The following USP15 variants were observed in gnomAD, a reference collection of about 807,000 sequenced individuals.
USP15 encodes the protein ubiquitin specific peptidase 15, also known as ubiquitin carboxyl-terminal hydrolase 15.
Under a neutral mutation model 127.1 loss-of-function variants are expected in USP15, and 18 were observed. The observed-to-expected ratio is 0.14, with a 90% confidence interval of 0.10 to 0.21. USP15 has a LOEUF of 0.21. USP15 is among the 10% of genes least tolerant of loss of function. The pLI, the probability that USP15 is intolerant of heterozygous loss-of-function variation, is 1.00. For synonymous variants in USP15, 364 were observed against 393.7 expected, an observed-to-expected ratio of 0.92 and a Z score of 0.89; for missense variants, 805 against 1,159.9, an observed-to-expected ratio of 0.69 and a Z score of 4.44.
At chr12:62,335,181 G>A in intron 6 of USP15, 2 of 1,535,700 alleles carry the variant, frequency 1.3e-6, no homozygotes, top group Non-Finnish European at 1.7e-6. Context: ...CACTAGAGCA[G>A]AGTTGCTAGT....
chr12:62,369,058 A>C (rs1234289814), intron 8 of USP15, among the ~76,000 whole-genome samples: 1 of 152,198 alleles, frequency 6.6e-6, no homozygotes, highest in Non-Finnish European at 1.5e-5. Context: ...CCAGTTTTAA[A>C]AGACAGTACT....
chr12:62,403,609 C>A (rs2067765760), intron 21 of USP15, among the ~76,000 whole-genome samples: 1 of 151,874 alleles, frequency 6.6e-6, no homozygotes, highest in African/African-American at 2.4e-5. Flanking sequence ...CTGTTTATCA[C>A]CCTGACTATG....
chr12:62,338,050 C>T (rs763916245), intron 6 of USP15, among the ~76,000 whole-genome samples: 3 of 152,144 alleles, frequency 2.0e-5, no homozygotes, highest in Admixed American at 6.5e-5. Context: ...CTTGAGGAAT[C>T]GCCACACTGT....
intron 11 of USP15, among the ~76,000 whole-genome samples, chr12:62,385,445 C>G (rs2067118050): frequency 6.6e-6 from 1 of 151,978 alleles, no homozygotes; most frequent in Non-Finnish European, 1.5e-5. Context: ...CATAAACACA[C>G]AGTCCTTTTA....
intron 16 of USP15, 77 bp from the exon 17 acceptor site, chr12:62,391,739 G>A: frequency 3.2e-6 from 4 of 1,263,990 alleles, no homozygotes; most frequent in Non-Finnish European, 3.3e-6. Context: ...TTATTCTGGT[G>A]TATATCCTAA....
chr12:62,295,796 T>C (rs772108838), intron 2 of USP15, among the ~76,000 whole-genome samples: 1 of 152,272 alleles, frequency 6.6e-6, no homozygotes. Flanking sequence ...GATTAAGATA[T>C]GGAACAAGAT....
chr12:62,365,875 T>G (rs1469108291), intron 8 of USP15, among the ~76,000 whole-genome samples: 2 of 152,202 alleles, frequency 1.3e-5, no homozygotes, highest in Admixed American at 6.5e-5. Context: ...ATGTGTGGTG[T>G]TATTTCTGAT....
intron 7 of USP15, 50 bp from the exon 8 acceptor site, chr12:62,355,281 A>G: frequency 1.4e-6 from 2 of 1,470,358 alleles, no homozygotes; most frequent in Non-Finnish European, 1.8e-6. Flanking sequence ...CTTTATTATA[A>G]ATATGTTGTA....
intron 13 of USP15, 32 bp downstream of exon 13, chr12:62,389,731 C>G: frequency 6.3e-7 from 1 of 1,596,716 alleles, no homozygotes; most frequent in South Asian, 1.1e-5. Context: ...CAAAATATTA[C>G]TTGAAAAAAA....
Position 62,304,770 on chromosome 12 carries a change from A to T in USP15, c.348+1850A>T, listed in dbSNP as rs1250666987. 3 of 444,934 alleles carry T rather than the reference A, an allele frequency of 6.7e-6. No homozygotes were observed. The Admixed American group carries it at 7.3e-5, about 11-fold the overall frequency. The allele number at this position is 444,934 out of a possible 1,614,324, so 27.6% of individuals were successfully genotyped here. On this transcript the variant is annotated intron_variant, in intron 3 of 21. Transcript: ENST00000280377. ...GAGAAACAGCAGACAATAGAAACAG[A>T]CCCATAAGAAACCCAGGTAATTGAG... is the stretch of plus-strand genomic sequence containing the variant.
At chr12:62,294,632 C>G (rs11174416) in intron 2 of USP15, 54,725 of 165,190 alleles carry the variant, frequency 0.33, 9,740 homozygotes, top group African/African-American at 0.47. Context: ...TAATAAGACT[C>G]ATTATTTGTT....
rs1306717935 is a variant in USP15 at position 62,314,903 on chromosome 12, A to T, written c.462A>T (p.Lys154Asn). ...MNNVVTRRFS[K>N]ADTIDTIEKE... ...ATGTTGTAACTCGAAGATTTAGCAA[A>T]GCTGACACAATAGGTAATGCAAGAT... The change falls in exon 4 of 22, where the codon AAA becomes AAT. Residue 154 changes from lysine to asparagine, a missense_variant. Transcript: ENST00000280377. The T allele has an allele frequency of 6.3e-7, 1 of 1,582,170 alleles. No individual in the cohort carries two copies. Among genetic ancestry groups the T allele is most frequent in the Non-Finnish European group, 8.6e-7 (1 of 1,164,582 alleles).
intron 1 of USP15, among the ~76,000 whole-genome samples, chr12:62,281,487 C>G (rs936735535): frequency 2.0e-5 from 3 of 152,126 alleles, no homozygotes; most frequent in Non-Finnish European, 4.4e-5. Flanking sequence ...CAAAAGTATG[C>G]GCCACCACAC....
chr12:62,336,246 C>A (rs2065460125), intron 6 of USP15: 1 of 985,380 alleles, frequency 1.0e-6, no homozygotes, highest in Non-Finnish European at 1.2e-6. Context: ...TAGACTAGAC[C>A]ACTTTTCTGA....
Position 62,412,409 on chromosome 12 carries a change from A to G in USP15, c.*8034A>G, listed in dbSNP as rs752744313. ...TTCATCAATTGACTCTTCCTTTTAC[A>G]AGAGATTTCTCTGGCATGCAGTGCT... On this transcript the variant is annotated 3_prime_UTR_variant, in exon 22 of 22. Transcript: ENST00000280377. The G allele has an allele frequency of 1.3e-5, 2 of 152,250 alleles. No homozygotes were observed. The highest frequency in any genetic ancestry group is 2.9e-5 in the Non-Finnish European group (2 of 68,074). The allele number at this position is 152,250 out of a possible 1,614,324, so 9.4% of individuals were successfully genotyped here.
At chr12:62,364,298 A>G (rs2066411702) in intron 8 of USP15, among the ~76,000 whole-genome samples, 1 of 152,204 alleles carries the variant, frequency 6.6e-6, no homozygotes, top group African/African-American at 2.4e-5. Context: ...TTAGCTAAGA[A>G]TGAAAGGGTA....
At chr12:62,357,035 T>A (rs974007825) in intron 8 of USP15, among the ~76,000 whole-genome samples, 2 of 152,074 alleles carry the variant, frequency 1.3e-5, no homozygotes, top group African/African-American at 2.4e-5. Flanking sequence ...TCCAGATGCT[T>A]GATATCAGCT....
In USP15 at chr12:62,349,296, G is replaced by T; in HGVS notation, c.759G>T (p.Met253Ile). ...CTCTATCAAATAATTATAACAACAT[G>T]AACAACAGAAAGTAAGCACTGAATC... is the stretch of plus-strand genomic sequence containing the variant. ...PSSLSNNYNN[M>I]NNRNVKNSNY... is the part of the protein sequence containing the mutation. Residue 253 changes from methionine (M) to isoleucine (I), a missense_variant, in exon 7 of 22, where the codon ATG becomes ATT. By Grantham distance (10) the Met-to-Ile change is conservative (BLOSUM62 1). Around this residue, in one of 11 missense-constraint regions of USP15, gnomAD observed 84 missense variants for 107.7 expected, o/e 0.78. Transcript: ENST00000280377. 1 of 1,483,040 alleles carries T rather than the reference G, an allele frequency of 6.7e-7. No homozygotes were observed. The highest frequency in any genetic ancestry group is 1.4e-5 in the South Asian group (1 of 73,870). 91.9% of individuals were successfully genotyped at this position (1,483,040 alleles called of 1,614,324 possible).
chr12:62,400,584 T>C (rs930858611), intron 20 of USP15, among the ~76,000 whole-genome samples: 4 of 150,398 alleles, frequency 2.7e-5, no homozygotes, highest in African/African-American at 7.4e-5. Context: ...GACTACACTT[T>C]TGTTAAAGAC....
Sources: gnomAD v4.1 joint callset for allele counts (sites outside exome capture counted in the v4.1 genomes callset) on GRCh38, gnomAD v4.1.1 for gene constraint, gnomAD v4.1.1 regional missense constraint, MANE v1.5 for transcripts, NCBI Gene and HGNC (gene_info 2026-07-23, HGNC 2026-07-21) for gene names.